Variants in GBP3 observed in about 807,000 individuals in gnomAD.
GBP3 encodes guanylate-binding protein 3.
In GBP3, 55 loss-of-function variants were observed where a neutral mutation model predicts 62.4. The observed-to-expected ratio is 0.88, with a 90% CI of 0.71 to 1.10. The LOEUF (loss-of-function observed/expected upper bound fraction) is 1.10, where lower values mean the gene tolerates loss of function less well. GBP3 is among the 50% of genes least tolerant of loss of function. GBP3 has a pLI of 0.00. For missense variants in GBP3, 605 were observed against 690.6 expected (o/e 0.88, Z 1.39); for synonymous variants, 208 against 259.2 (o/e 0.80, Z 1.90).
rs1346930053 is a variant in GBP3, at chr1:89,016,278, C to A, written c.191-864G>T. ...ATCCCAGCACTTTGGGAGGCTGAGG[C>A]AGGTGATCACAAGGTCAGCAGATCG... On this transcript the variant is annotated intron_variant, in intron 2 of 10. Transcript: ENST00000370481. Among the ~76,000 whole-genome samples, 3 of 152,262 alleles carry A rather than the reference C, an allele frequency of 2.0e-5. No individual in the cohort carries two copies. The East Asian group carries it at 5.8e-4, about 29-fold the overall frequency.
In GBP3 at chr1:89,009,080, A is replaced by G. The variant is rs369942449; in HGVS notation, c.1526T>C (p.Ile509Thr). 6.2e-7 allele frequency: 1 copy of G among 1,613,954 alleles called. No homozygotes were observed. Residue 509 changes from isoleucine to threonine, a missense_variant, in exon 10 of 11, where the codon ATA (isoleucine) becomes ACA (threonine). Ile to Thr is a moderately conservative substitution (Grantham distance 89). Transcript: ENST00000370481. Reference sequence around the variant, plus strand: ...CTCTTCCATCATCTGCTGATACTTTATTTGCATTTCCTCCACCATTTTTGC... The same window carrying G: ...CTCTTCCATCATCTGCTGATACTTTGTTTGCATTTCCTCCACCATTTTTGC... ...ASAKMVEEMQ[I>T]KYQQMMEEKE... is the part of the protein sequence containing the mutation.
intron 3 of GBP3, 99 bp downstream of exon 3, chr1:89,015,188 T>C: frequency 8.1e-7 from 1 of 1,238,580 alleles, no homozygotes; most frequent in Non-Finnish European, 1.1e-6. Flanking sequence ...AAAGACAAAT[T>C]ATAGTTAAAT....
chr1:89,018,280 T>C (rs954146401), intron 2 of GBP3, among the ~76,000 whole-genome samples: 1 of 152,134 alleles, frequency 6.6e-6, no homozygotes, highest in Non-Finnish European at 1.5e-5. Flanking sequence ...GGATGTGCAG[T>C]CAGGGAGGTT....
chr1:89,014,275 C>T lies in GBP3; in HGVS notation c.433G>A (p.Val145Met). Residue 145 changes from valine (V) to methionine (M), a missense_variant, in exon 5 of 11, where the codon GTG (valine) becomes ATG (methionine). Val to Met is a conservative substitution (Grantham distance 21). Around this residue, in one of 3 missense-constraint regions of GBP3, gnomAD observed 308 missense variants for 318.0 expected, o/e 0.97. Transcript: ENST00000370481. Reference protein sequence around the residue: ...NQQAMDQLYYVTELTHRIRSK... With the variant: ...NQQAMDQLYYMTELTHRIRSK... ...CGGATTCGATGTGTCAGCTCTGTCACATAGCTGAGTAGCTAACTAAGGAAA... is the reference window on the plus strand; with the variant it reads ...CGGATTCGATGTGTCAGCTCTGTCATATAGCTGAGTAGCTAACTAAGGAAA... The T allele has an allele frequency of 6.2e-7, 1 of 1,614,190 alleles. No homozygotes were observed. Among genetic ancestry groups the T allele is most frequent in the Non-Finnish European group, 8.5e-7 (1 of 1,180,014 alleles).
At position 89,012,125 on chromosome 1, in the gene GBP3, A is replaced by C. The variant is rs1315570301; in HGVS notation, c.869-98T>G. On this transcript the variant is annotated intron_variant, in intron 6 of 10. Coordinates refer to ENST00000370481, the MANE Select transcript of GBP3 (RefSeq NM_018284.3). ...GTCAATTTCCACCTATTTTCCTCAC[A>C]GCATCAAGGTCCTCAGAATCATCTG... 4 of 1,159,220 alleles carry C rather than the reference A, an allele frequency of 3.5e-6. No homozygotes were observed. The East Asian group carries it at 1.0e-4, about 30-fold the overall frequency. 71.8% of individuals were successfully genotyped at this position (1,159,220 alleles called of 1,614,324 possible).
At position 89,013,198 on chromosome 1, in the gene GBP3, C is replaced by G. The variant is rs1236845805; in HGVS notation, c.855G>C (p.Lys285Asn). The G allele has an allele frequency of 6.2e-7, 1 of 1,613,978 alleles. No individual in the cohort carries two copies. Among genetic ancestry groups the G allele is most frequent in the Non-Finnish European group, 8.5e-7 (1 of 1,179,878 alleles). Residue 285 changes from lysine (K) to asparagine (N), a missense_variant, in exon 6 of 11, where the codon AAG (lysine) becomes AAC (asparagine). This residue lies in a region of GBP3 where 137 missense variants were observed against 224.7 expected (regional missense o/e 0.61). Transcript: ENST00000370481. Reference sequence around the variant, plus strand: ...AAGGGGACTTACGAGGCCCATTGACCTTGATGCCTCCTGAAAGAGTTTTAG... The same window carrying G: ...AAGGGGACTTACGAGGCCCATTGACGTTGATGCCTCCTGAAAGAGTTTTAG... ...SKTKTLSGGI[K>N]VNGPRLESLV...
At chr1:89,009,837 TAGAG>T (rs1485278395) in intron 8 of GBP3, among the ~76,000 whole-genome samples, 2 of 151,964 alleles carry the variant, frequency 1.3e-5, no homozygotes, top group Non-Finnish European at 2.9e-5. Context: ...GTGATTCAGA[TAGAG>T]GGAGGAAGAG....
chr1:89,021,404 C>T (rs938272362), intron 1 of GBP3, among the ~76,000 whole-genome samples: 3 of 152,068 alleles, frequency 2.0e-5, no homozygotes, highest in Non-Finnish European at 2.9e-5. Flanking sequence ...GGCCCTGAAA[C>T]TTAAGCTTCA....
intron 10 of GBP3, among the ~76,000 whole-genome samples, chr1:89,008,507 G>T (rs1489531987): frequency 6.8e-6 from 1 of 146,040 alleles, no homozygotes; most frequent in Non-Finnish European, 1.5e-5. Flanking sequence ...ATACTAGATG[G>T]GATAGAAAAA....
At chr1:89,019,178 G>C (rs1679048053) in intron 2 of GBP3, among the ~76,000 whole-genome samples, 1 of 152,242 alleles carries the variant, frequency 6.6e-6, no homozygotes, top group Admixed American at 6.5e-5. Flanking sequence ...GATCCTATCA[G>C]CATTATTTGT....
At chr1:89,008,756 G>A in intron 10 of GBP3, 191 bp downstream of exon 10, 1 of 1,066,594 alleles carries the variant, frequency 9.4e-7, no homozygotes, top group Non-Finnish European at 1.3e-6. Flanking sequence ...GTGACACCCT[G>A]CAAATAAACT....
In GBP3 at chr1:89,020,550, G is replaced by C. The variant is rs771583582; in HGVS notation, c.172C>G (p.Leu58Val). The C allele has an allele frequency of 1.1e-5, 18 of 1,614,066 alleles. No homozygotes were observed. The highest frequency in any genetic ancestry group is 1.4e-5 in the Non-Finnish European group (16 of 1,180,032). ...RTGKSYLMNK[L>V]AGKNKGFSLG... ...CACTCACCCTTATTCTTCCCAGCTAGCTTGTTCATCAGGTAGGATTTTCCT... is the reference window on the plus strand; with the variant it reads ...CACTCACCCTTATTCTTCCCAGCTACCTTGTTCATCAGGTAGGATTTTCCT... Residue 58 changes from leucine (L) to valine (V), a missense_variant, in exon 2 of 11, where the codon CTA becomes GTA. This residue lies in a region of GBP3 where 308 missense variants were observed against 318.0 expected (regional missense o/e 0.97). Transcript: ENST00000370481.
At chr1:89,010,163 C>G (rs1000766409) in intron 8 of GBP3, among the ~76,000 whole-genome samples, 4 of 150,510 alleles carry the variant, frequency 2.7e-5, no homozygotes, top group East Asian at 1.9e-4. Flanking sequence ...TGCTCTATTG[C>G]CAGGCTGGAG....
intron 7 of GBP3, 122 bp downstream of exon 7, chr1:89,011,625 C>T: frequency 8.5e-7 from 1 of 1,174,250 alleles, no homozygotes; most frequent in Middle Eastern, 2.2e-4. Context: ...TTACCAAGAA[C>T]TAGTTGTCAC....
rs1553178198 is a variant in GBP3 at position 89,021,510 on chromosome 1, G to GCACACACACACA, written c.-22-779_-22-768dup. On this transcript the variant is annotated intron_variant, in intron 1 of 10. Transcript: ENST00000370481. ...CTAAGAAACACGCATGCGCGCGCGC[G>GCACACACACACA]CACACACACACACACACACACACAC... 6.7e-3 allele frequency among the ~76,000 whole-genome samples: 876 copies of GCACACACACACA among 131,682 alleles called. 4 individuals carry two copies. Among genetic ancestry groups the GCACACACACACA allele is most frequent in the South Asian group, 0.019 (76 of 3,910 alleles). 86.4% of individuals were successfully genotyped at this position (131,682 alleles called of 152,430 possible).
rs759696009 is a variant in GBP3 at position 89,013,178 on chromosome 1, G to T, written c.868+7C>A. 13 of 1,612,164 alleles carry T rather than the reference G, an allele frequency of 8.1e-6. No homozygotes were observed. The highest frequency in any genetic ancestry group is 1.1e-5 in the Non-Finnish European group (13 of 1,178,470). On this transcript the variant is annotated splice_region_variant and intron_variant, in intron 6 of 10. Coordinates refer to ENST00000370481, the MANE Select transcript of GBP3 (RefSeq NM_018284.3). The stretch of plus-strand genomic sequence containing the variant: ...CAATGAGTGGAAGTACTACGAAGGG[G>T]ACTTACGAGGCCCATTGACCTTGAT...
At chr1:89,010,006 T>C (rs1557723792) in intron 8 of GBP3, among the ~76,000 whole-genome samples, 2 of 152,136 alleles carry the variant, frequency 1.3e-5, no homozygotes, top group African/African-American at 2.4e-5. Flanking sequence ...TGGGTTTCTG[T>C]CTCTTGGAAC....
At position 89,011,845 on chromosome 1, in the gene GBP3, G is replaced by A. The variant is rs779396563; in HGVS notation, c.1051C>T (p.Leu351=). ...TCACTAACCCTGTGCAGGTCCAGCA[G>A]CTCCTGGAGGGTTTCTGCGGGCAGC... is the stretch of plus-strand genomic sequence containing the variant. ...VQLPAETLQE[L]LDLHRVSERE... The change falls in exon 7 of 11, where the codon CTG becomes TTG. Residue 351 remains leucine, a synonymous_variant. Coordinates refer to ENST00000370481, the MANE Select transcript of GBP3 (RefSeq NM_018284.3). The A allele has an allele frequency of 1.4e-6, 2 of 1,462,070 alleles. No individual in the cohort carries two copies. The highest frequency in any genetic ancestry group is 2.4e-5 in the South Asian group (2 of 84,762). 90.6% of individuals were successfully genotyped at this position (1,462,070 alleles called of 1,614,324 possible).
chr1:89,017,538 T>G (rs1392071658), intron 2 of GBP3, among the ~76,000 whole-genome samples: 1 of 152,134 alleles, frequency 6.6e-6, no homozygotes, highest in Non-Finnish European at 1.5e-5. Context: ...AGGCAACACA[T>G]GGAATGGAAG....
Sources: allele counts gnomAD v4.1 joint callset (sites outside exome capture counted in the v4.1 genomes callset), GRCh38; gene constraint gnomAD v4.1.1; regional missense constraint gnomAD v4.1.1; transcripts MANE v1.5; gene names NCBI Gene and HGNC (gene_info 2026-07-23, HGNC 2026-07-21).